The following GRM1 variants were observed in gnomAD, a reference collection of about 807,000 sequenced individuals.
GRM1 encodes glutamate metabotropic receptor 1.
Under a neutral mutation model 90.9 loss-of-function variants are expected in GRM1, and 33 were observed. That is an observed-to-expected ratio of 0.36 (90% CI 0.28 to 0.49). The LOEUF is 0.49. Ranked by LOEUF, GRM1 falls within the 20% of genes least tolerant of loss-of-function variation. The pLI is 0.99. For missense variants in GRM1, 1,190 were observed against 1,534.3 expected (o/e 0.78, Z 3.75); for synonymous variants, 700 against 613.2 (o/e 1.14, Z -2.09).
chr6:146,047,930 G>T (rs1441633395), intron 1 of GRM1, among the ~76,000 whole-genome samples: 3 of 151,934 alleles, frequency 2.0e-5, no homozygotes, highest in African/African-American at 7.2e-5. Context: ...ACCTAGCTAT[G>T]ATGCCACCCT....
chr6:146,292,525 C>T (rs1203158850), intron 2 of GRM1, among the ~76,000 whole-genome samples: 2 of 152,014 alleles, frequency 1.3e-5, no homozygotes, highest in East Asian at 3.9e-4. Flanking sequence ...AAAGTAGTCA[C>T]ATCATTAGCC....
intron 2 of GRM1, among the ~76,000 whole-genome samples, chr6:146,208,253 C>A (rs1387088663): frequency 6.6e-6 from 1 of 152,158 alleles, no homozygotes; most frequent in Non-Finnish European, 1.5e-5. Context: ...CCCAAGAAGG[C>A]TAATGGCATA....
chr6:146,412,147 G>A (rs1777592766), intron 7 of GRM1, among the ~76,000 whole-genome samples: 1 of 152,188 alleles, frequency 6.6e-6, no homozygotes, highest in Non-Finnish European at 1.5e-5. Context: ...GATATATGTT[G>A]CAGCATTGTC....
At chr6:146,312,345 G>C (rs866066105) in intron 3 of GRM1, among the ~76,000 whole-genome samples, 1 of 50,576 alleles carries the variant, frequency 2.0e-5, no homozygotes, top group Non-Finnish European at 3.2e-5. Context: ...AAAGAACTCC[G>C]TCTCAAAAAA....
Position 146,399,648 on chromosome 6 carries a change from A to G in GRM1, c.2609A>G (p.Asn870Ser), listed in dbSNP as rs371375072. ...GATGGCAAGCTGCCCTGCCGCTCCA[A>G]CACTTTCCTCAACATCTTCCGAAGA... ...VGDGKLPCRSNTFLNIFRRKK... is the reference protein window; with the variant it reads ...VGDGKLPCRSSTFLNIFRRKK... Residue 870 changes from asparagine to serine, a missense_variant, in exon 7 of 8, where the codon AAC (asparagine) becomes AGC (serine). Coordinates refer to ENST00000282753, the MANE Select transcript of GRM1 (RefSeq NM_001278064.2). This position sits in a 1 kb window ranked among gnomAD's most constrained non-coding sequence, Gnocchi z 5.4. 1.4e-5 allele frequency: 23 copies of G among 1,614,046 alleles called. No individual in the cohort carries two copies. The African/African-American group carries it at 2.7e-4, about 19-fold the overall frequency.
rs953625865 is a variant in GRM1 at position 146,046,279 on chromosome 6, A to C, written c.700+16062A>C. Among the ~76,000 whole-genome samples, 7 of 152,088 alleles carry C rather than the reference A, an allele frequency of 4.6e-5. No individual in the cohort carries two copies. The South Asian group carries it at 1.2e-3, about 27-fold the overall frequency. ...ATAATTCCTCCTAGCCTCTACATTT[A>C]CCAGAAAGTTATAAACAACCACTAT... On this transcript the variant is annotated intron_variant, in intron 1 of 7. Transcript: ENST00000282753.
chr6:146,154,302 C>T (rs1777442937), intron 1 of GRM1, among the ~76,000 whole-genome samples: 1 of 152,158 alleles, frequency 6.6e-6, no homozygotes, highest in African/African-American at 2.4e-5. Flanking sequence ...GTCTATTTAC[C>T]TTGCAGATTC....
chr6:146,243,884 A>T (rs1174449470), intron 2 of GRM1, among the ~76,000 whole-genome samples: 1 of 152,104 alleles, frequency 6.6e-6, no homozygotes, highest in Non-Finnish European at 1.5e-5. Context: ...CAGAGCAGCC[A>T]TTTCAGAGAC....
intron 3 of GRM1, among the ~76,000 whole-genome samples, chr6:146,319,698 T>C (rs1455879051): frequency 6.6e-6 from 1 of 152,178 alleles, no homozygotes; most frequent in Non-Finnish European, 1.5e-5. Context: ...TAAGTTGTAT[T>C]CCTAGGTATT....
chr6:146,088,781 A>G (rs1233309494), intron 1 of GRM1, among the ~76,000 whole-genome samples: 3 of 152,146 alleles, frequency 2.0e-5, no homozygotes, highest in Non-Finnish European at 4.4e-5. Flanking sequence ...GCCTCTGGCT[A>G]TAAAAGAGGC....
chr6:146,123,990 A>G (rs1776102429), intron 1 of GRM1, among the ~76,000 whole-genome samples: 1 of 152,200 alleles, frequency 6.6e-6, no homozygotes, highest in Non-Finnish European at 1.5e-5. Context: ...ATTTCTTCTA[A>G]GGAATCAGCA....
At chr6:146,146,724 C>T (rs1363091190) in intron 1 of GRM1, among the ~76,000 whole-genome samples, 1 of 152,096 alleles carries the variant, frequency 6.6e-6, no homozygotes, top group African/African-American at 2.4e-5. Flanking sequence ...AATTACTCAC[C>T]ATGTGATGCC....
chr6:146,260,793 A>G lies in GRM1; in HGVS notation c.951-43818A>G, dbSNP rs1583236397. 7.8e-4 allele frequency among the ~76,000 whole-genome samples: 21 copies of G among 26,982 alleles called. No individual in the cohort carries two copies. In the South Asian group the frequency reaches 0.029, roughly 37 times the overall value. 17.7% of individuals were successfully genotyped at this position (26,982 alleles called of 152,430 possible). A position where few individuals can be genotyped will look rare whatever the true frequency, so the allele number is the denominator to read the frequency against. On this transcript the variant is annotated intron_variant, in intron 2 of 7. Transcript: ENST00000282753. ...TCAGTCCTTTGCCCATTTTTTAATTAGGTTATTTGGGTTTTTTTTTTTTTT... is the reference window on the plus strand; with the variant it reads ...TCAGTCCTTTGCCCATTTTTTAATTGGGTTATTTGGGTTTTTTTTTTTTTT...
intron 5 of GRM1, among the ~76,000 whole-genome samples, chr6:146,366,815 G>A (rs1026033484): frequency 6.6e-6 from 1 of 152,034 alleles, no homozygotes; most frequent in African/African-American, 2.4e-5. Flanking sequence ...TTGTTGAATG[G>A]ATAGTTTGCA....
intron 6 of GRM1, among the ~76,000 whole-genome samples, chr6:146,390,135 T>C (rs1215481334): frequency 6.6e-6 from 1 of 152,056 alleles, no homozygotes; most frequent in Non-Finnish European, 1.5e-5. Context: ...AATAGTGTAT[T>C]CTACTGAAGT....
intron 2 of GRM1, among the ~76,000 whole-genome samples, chr6:146,257,473 ATATGTGTGTGCG>A (rs1375813549): frequency 1.3e-5 from 2 of 152,076 alleles, no homozygotes; most frequent in Admixed American, 6.6e-5. Flanking sequence ...ATACCTACCT[ATATGTGTGTGCG>A]TATGTGTGTG....
At chr6:146,270,531 G>C (rs1265603037) in intron 2 of GRM1, among the ~76,000 whole-genome samples, 1 of 152,112 alleles carries the variant, frequency 6.6e-6, no homozygotes, top group Non-Finnish European at 1.5e-5. Flanking sequence ...AATCACCAAA[G>C]GATGAGTTGT....
chr6:146,034,005 A>G (rs1303544168), intron 1 of GRM1, among the ~76,000 whole-genome samples: 1 of 152,074 alleles, frequency 6.6e-6, no homozygotes, highest in Non-Finnish European at 1.5e-5. Context: ...TCATTTTATC[A>G]TATAGTAAGA....
intron 2 of GRM1, among the ~76,000 whole-genome samples, chr6:146,210,376 A>G (rs896543526): frequency 6.6e-6 from 1 of 152,250 alleles, no homozygotes; most frequent in Non-Finnish European, 1.5e-5. Context: ...TGCTTAACAC[A>G]GTATGAAGCA....
Sources: gnomAD v4.1 joint callset for allele counts (sites outside exome capture counted in the v4.1 genomes callset) on GRCh38, gnomAD v4.1.1 for gene constraint, Gnocchi (gnomAD v3.1) non-coding constraint, MANE v1.5 for transcripts, NCBI Gene and HGNC (gene_info 2026-07-23, HGNC 2026-07-21) for gene names.